Variants in DLGAP2 observed in about 807,000 individuals in gnomAD.
DLGAP2 encodes DLG associated protein 2.
DLGAP2 carries 26 observed loss-of-function variants against 100.3 expected under a neutral mutation model. That is an observed-to-expected ratio of 0.26 (90% CI 0.19 to 0.36). DLGAP2 has a LOEUF of 0.36. DLGAP2 is among the 10% of genes least tolerant of loss of function. The pLI, the probability that DLGAP2 is intolerant of heterozygous loss-of-function variation, is 1.00. For synonymous variants in DLGAP2, 886 were observed against 630.1 expected, an observed-to-expected ratio of 1.41 and a Z score of -6.08; for missense variants, 1,858 against 1,453.2, an observed-to-expected ratio of 1.28 and a Z score of -4.53.
At chr8:1,345,117 A>T (rs1663378797) in intron 3 of DLGAP2, among the ~76,000 whole-genome samples, 1 of 127,344 alleles carries the variant, frequency 7.9e-6, no homozygotes, top group Non-Finnish European at 1.8e-5. Flanking sequence ...TGCTTATATA[A>T]ATGACATAAT....
intron 2 of DLGAP2, among the ~76,000 whole-genome samples, chr8:938,959 C>T (rs1408900492): frequency 5.3e-5 from 8 of 152,242 alleles, no homozygotes; most frequent in African/African-American, 1.7e-4. Flanking sequence ...GCTAAGGAGG[C>T]TGAGCCTTTC....
At chr8:1,292,948 C>A (rs910052483) in intron 3 of DLGAP2, among the ~76,000 whole-genome samples, 1 of 152,126 alleles carries the variant, frequency 6.6e-6, no homozygotes, top group Non-Finnish European at 1.5e-5. Flanking sequence ...GCATTAGGAC[C>A]CTGGGCGTGT....
rs563299243 is a variant in DLGAP2 at position 1,041,849 on chromosome 8, C to T, written c.73+133883C>T. On this transcript the variant is annotated intron_variant, in intron 2 of 14. Coordinates refer to ENST00000637795, the MANE Select transcript of DLGAP2 (RefSeq NM_001346810.2). ...CTCCTTGCCGTGGGTCAGCGTTCTC[C>T]GAGCCCTTTGCCGTGGGTCAGCTGG... 6.7e-5 allele frequency among the ~76,000 whole-genome samples: 10 copies of T among 148,194 alleles called. No individual in the cohort carries two copies. The South Asian group carries it at 2.0e-3, about 29-fold the overall frequency.
At chr8:1,691,043 G>A (rs1000110519) in intron 12 of DLGAP2, among the ~76,000 whole-genome samples, 1 of 152,118 alleles carries the variant, frequency 6.6e-6, no homozygotes, top group African/African-American at 2.4e-5. Flanking sequence ...ACTGCCCACA[G>A]TTCATTAGAA....
At chr8:1,386,654 G>C (rs1339926582) in intron 3 of DLGAP2, among the ~76,000 whole-genome samples, 1 of 152,168 alleles carries the variant, frequency 6.6e-6, no homozygotes, top group Non-Finnish European at 1.5e-5. Flanking sequence ...AACGAGAGAA[G>C]AAACCTGGAC....
At chr8:1,423,197 A>G (rs1208523635) in intron 3 of DLGAP2, among the ~76,000 whole-genome samples, 1 of 152,228 alleles carries the variant, frequency 6.6e-6, no homozygotes, top group Non-Finnish European at 1.5e-5. Context: ...GAATTCAACC[A>G]GCAGAGATTG....
chr8:961,644 A>T (rs12678114), intron 2 of DLGAP2, among the ~76,000 whole-genome samples: 4 of 152,134 alleles, frequency 2.6e-5, no homozygotes, highest in Admixed American at 6.5e-5. Context: ...ATTATTAAGA[A>T]ATTAGAATTA....
intron 3 of DLGAP2, among the ~76,000 whole-genome samples, chr8:1,359,473 G>C (rs1801928487): frequency 6.6e-6 from 1 of 152,274 alleles, no homozygotes; most frequent in Non-Finnish European, 1.5e-5. Flanking sequence ...GGACACGGGT[G>C]GTGCAGAGCT....
chr8:1,284,103 A>G lies in DLGAP2; in HGVS notation c.106+25220A>G, dbSNP rs1269758672. 2.0e-5 allele frequency among the ~76,000 whole-genome samples: 3 copies of G among 152,216 alleles called. No homozygotes were observed. The South Asian group carries it at 6.2e-4, about 32-fold the overall frequency. On this transcript the variant is annotated intron_variant, in intron 3 of 14. Transcript: ENST00000637795. ...AAAATTACTATTGCCCTGTCCTTAG[A>G]GCAGCAGGAAAGTGAGACACCTCAG...
At chr8:1,505,858 G>C (rs1486090355) in intron 4 of DLGAP2, among the ~76,000 whole-genome samples, 2 of 152,152 alleles carry the variant, frequency 1.3e-5, no homozygotes, top group Non-Finnish European at 2.9e-5. Flanking sequence ...GCTGTAAAGA[G>C]TTGGTGATTT....
intron 2 of DLGAP2, among the ~76,000 whole-genome samples, chr8:966,494 A>T (rs1799874245): frequency 6.6e-6 from 1 of 152,194 alleles, no homozygotes; most frequent in Non-Finnish European, 1.5e-5. Flanking sequence ...AAATATATCC[A>T]TTTGGTCTTT....
chr8:1,634,941 G>T (rs1797733115), intron 8 of DLGAP2, among the ~76,000 whole-genome samples: 2 of 152,156 alleles, frequency 1.3e-5, no homozygotes. Flanking sequence ...TCCATTCAGA[G>T]TTTCTACCGG....
intron 6 of DLGAP2, among the ~76,000 whole-genome samples, chr8:1,575,778 TC>T (rs1802945385): frequency 6.6e-6 from 1 of 151,884 alleles, no homozygotes; most frequent in Admixed American, 6.6e-5. Flanking sequence ...TTCATCCATG[TC>T]CCTACAAAGG....
intron 2 of DLGAP2, among the ~76,000 whole-genome samples, chr8:1,095,606 T>C (rs370481257): frequency 1.2e-4 from 19 of 152,244 alleles, no homozygotes; most frequent in African/African-American, 4.3e-4. Context: ...AAGTAAACCA[T>C]TTTCCGAGTG....
intron 2 of DLGAP2, among the ~76,000 whole-genome samples, chr8:1,222,396 G>T (rs1296757946): frequency 6.6e-6 from 1 of 152,142 alleles, no homozygotes; most frequent in East Asian, 1.9e-4. Flanking sequence ...ACCCTGGGGG[G>T]CTAGGACCAG....
intron 1 of DLGAP2, among the ~76,000 whole-genome samples, chr8:741,067 G>T (rs1820469053): frequency 1.3e-5 from 2 of 152,206 alleles, no homozygotes; most frequent in African/African-American, 2.4e-5. Context: ...TTACCAACTA[G>T]TTTTCATCAT....
intron 6 of DLGAP2, among the ~76,000 whole-genome samples, chr8:1,582,762 G>T (rs1338476721): frequency 6.6e-6 from 1 of 152,074 alleles, no homozygotes; most frequent in African/African-American, 2.4e-5. Context: ...ACTAATTTTT[G>T]TATTTTATAT....
chr8:1,229,762 C>G (rs956982239), intron 2 of DLGAP2, among the ~76,000 whole-genome samples: 1 of 152,126 alleles, frequency 6.6e-6, no homozygotes, highest in African/African-American at 2.4e-5. Flanking sequence ...GAATTACAAA[C>G]AAAAACCATA....
At chr8:795,299 G>T (rs891247205) in intron 1 of DLGAP2, among the ~76,000 whole-genome samples, 2 of 152,272 alleles carry the variant, frequency 1.3e-5, no homozygotes, top group Middle Eastern at 3.4e-3. Flanking sequence ...ATCTACTGCT[G>T]ACTCATCAGT....
Sources: gnomAD v4.1 joint callset for allele counts (sites outside exome capture counted in the v4.1 genomes callset) on GRCh38, gnomAD v4.1.1 for gene constraint, MANE v1.5 for transcripts, NCBI Gene and HGNC (gene_info 2026-07-23, HGNC 2026-07-21) for gene names.